COL9A1: variants seen among roughly 807,000 people sequenced by gnomAD.
COL9A1 encodes collagen type IX alpha 1 chain, also known as collagen alpha-1(IX) chain.
Under a neutral mutation model 142.6 loss-of-function variants are expected in COL9A1, and 104 were observed. The observed-to-expected ratio is 0.73, with a 90% CI of 0.62 to 0.86. The LOEUF (loss-of-function observed/expected upper bound fraction) is 0.86. Ranked by LOEUF, COL9A1 falls within the 40% of genes least tolerant of loss-of-function variation. COL9A1 has a pLI of 0.00. For synonymous variants in COL9A1, 466 were observed against 396.0 expected (o/e 1.18, Z -2.10); for missense variants, 1,210 against 1,176.6 (o/e 1.03, Z -0.42).
At chr6:70,298,783 A>T (rs1773943327) in intron 4 of COL9A1, among the ~76,000 whole-genome samples, 1 of 152,242 alleles carries the variant, frequency 6.6e-6, no homozygotes, top group South Asian at 2.1e-4. Context: ...CTTATTTAGC[A>T]ACACGACTGG....
Position 70,239,412 on chromosome 6 carries a change from C to CA in COL9A1, c.2080-127dup, listed in dbSNP as rs916552811. The CA allele has an allele frequency of 3.0e-5, 20 of 673,564 alleles. No individual in the cohort carries two copies. The Admixed American group carries it at 3.7e-4, about 13-fold the overall frequency. 41.7% of individuals were successfully genotyped at this position (673,564 alleles called of 1,614,324 possible). On this transcript the variant is annotated intron_variant, in intron 32 of 37. Transcript: ENST00000357250. ...CATGAACAGATTAACTCCGGCACTG[C>CA]AAAAAAATATTAGACTCCAATTTTG...
At chr6:70,226,613 T>C (rs1217435756) in intron 36 of COL9A1, among the ~76,000 whole-genome samples, 2 of 152,012 alleles carry the variant, frequency 1.3e-5, no homozygotes, top group African/African-American at 4.8e-5. Flanking sequence ...GTAAAAAAGA[T>C]ACCATTTATA....
intron 37 of COL9A1, among the ~76,000 whole-genome samples, chr6:70,222,077 T>TA (rs1768913508): frequency 6.6e-6 from 1 of 152,220 alleles, no homozygotes; most frequent in African/African-American, 2.4e-5. Context: ...TTTGGGAACA[T>TA]AGACTCAGGA....
At position 70,254,494 on chromosome 6, in the gene COL9A1, T is replaced by C. The variant is rs1057523729; in HGVS notation, c.1701A>G (p.Ala567=). ...TACTTACTGGTAACCCCTGCAATCC[T>C]GCATCACCAGGAGGCCCAGGTTTTC... ...EPGKPGPPGD[A]GLQGLPGVPG... is the part of the protein sequence containing the mutation. The change falls in exon 25 of 38, where the codon GCA becomes GCG. Residue 567 remains alanine, a synonymous_variant. Coordinates refer to ENST00000357250, the MANE Select transcript of COL9A1 (RefSeq NM_001851.6). 6.2e-7 allele frequency: 1 copy of C among 1,614,028 alleles called. No individual in the cohort carries two copies. The highest frequency in any genetic ancestry group is 8.5e-7 in the Non-Finnish European group (1 of 1,180,000).
In COL9A1 at chr6:70,232,784, A is replaced by T. The variant is rs1384911147; in HGVS notation, c.2315-13T>A. 4.4e-6 allele frequency: 7 copies of T among 1,604,100 alleles called. No individual in the cohort carries two copies. The African/African-American group carries it at 9.4e-5, about 21-fold the overall frequency. ...TCAGCAAAATGTTCTAAAAGAGAAT[A>T]AACAAAACAACCCAGAAGTGTCAGA... On this transcript the variant is annotated splice_polypyrimidine_tract_variant and intron_variant, in intron 35 of 37. Transcript: ENST00000357250.
At chr6:70,269,018 T>C (rs1370094475) in intron 16 of COL9A1, among the ~76,000 whole-genome samples, 158 bp from the exon 17 acceptor site, 1 of 152,188 alleles carries the variant, frequency 6.6e-6, no homozygotes, top group African/African-American at 2.4e-5. Context: ...TTCCTTTTTA[T>C]TATTATTATT....
At chr6:70,296,134 C>T (rs1170114985) in intron 4 of COL9A1, among the ~76,000 whole-genome samples, 2 of 152,030 alleles carry the variant, frequency 1.3e-5, no homozygotes, top group African/African-American at 4.8e-5. Flanking sequence ...TTTTACAAGC[C>T]CTCAATAAAA....
chr6:70,218,091 C>T (rs1768640196), intron 37 of COL9A1, among the ~76,000 whole-genome samples: 1 of 152,044 alleles, frequency 6.6e-6, no homozygotes, highest in Non-Finnish European at 1.5e-5. Context: ...TGCAGTGAGC[C>T]GAGATCGCGC....
chr6:70,265,364 C>G (rs1022498248), intron 18 of COL9A1, among the ~76,000 whole-genome samples: 4 of 152,084 alleles, frequency 2.6e-5, no homozygotes, highest in African/African-American at 9.7e-5. Context: ...TCTACTACAT[C>G]TGCTTTACTG....
chr6:70,298,173 T>TATA (rs796381249), intron 4 of COL9A1, among the ~76,000 whole-genome samples: 4 of 152,346 alleles, frequency 2.6e-5, no homozygotes, highest in African/African-American at 9.6e-5. Flanking sequence ...AAGACTTTCA[T>TATA]ATACATGCAT....
At chr6:70,220,179 C>T (rs958939413) in intron 37 of COL9A1, among the ~76,000 whole-genome samples, 3 of 149,268 alleles carry the variant, frequency 2.0e-5, no homozygotes, top group African/African-American at 7.4e-5. Flanking sequence ...ACCACAAATG[C>T]TTAATGAGAA....
intron 33 of COL9A1, among the ~76,000 whole-genome samples, chr6:70,237,539 T>A (rs1769992864): frequency 6.6e-6 from 1 of 152,376 alleles, no homozygotes; most frequent in African/African-American, 2.4e-5. Flanking sequence ...AATCAAGAGC[T>A]AATTCCTAAT....
chr6:70,270,991 G>A (rs996235491), intron 14 of COL9A1, among the ~76,000 whole-genome samples: 1 of 152,204 alleles, frequency 6.6e-6, no homozygotes, highest in African/African-American at 2.4e-5. Flanking sequence ...CTGCCATAAA[G>A]AGTCGGAAGC....
At chr6:70,290,507 T>C (rs3828782) in intron 5 of COL9A1, among the ~76,000 whole-genome samples, 26,923 of 152,110 alleles carry the variant, frequency 0.18, 3,455 homozygotes, top group East Asian at 0.46. Context: ...TGGTAGACCA[T>C]GTGAACAGCT....
intron 25 of COL9A1, among the ~76,000 whole-genome samples, 190 bp from the exon 26 acceptor site, chr6:70,253,619 T>C (rs1349555931): frequency 1.3e-5 from 2 of 152,366 alleles, no homozygotes; most frequent in East Asian, 3.9e-4. Flanking sequence ...TTAGAGGGCA[T>C]GACTTTACTA....
intron 16 of COL9A1, 106 bp downstream of exon 16, chr6:70,269,527 C>T: frequency 2.4e-6 from 2 of 827,330 alleles, no homozygotes; most frequent in Non-Finnish European, 4.2e-6. Context: ...GAAAGGAAAA[C>T]ACAGACACAT....
At chr6:70,301,756 C>T (rs1432800039) in intron 2 of COL9A1, among the ~76,000 whole-genome samples, 2 of 152,202 alleles carry the variant, frequency 1.3e-5, no homozygotes. Context: ...AGGCACTGCA[C>T]TAGGCACTGC....
chr6:70,283,204 C>A (rs1326009199), intron 6 of COL9A1: 10 of 1,466,942 alleles, frequency 6.8e-6, no homozygotes, highest in Non-Finnish European at 8.1e-6. Context: ...GCCCGGGAGG[C>A]GCGCGTTCCC....
intron 37 of COL9A1, chr6:70,222,777 C>A (rs562846743): frequency 2.0e-5 from 3 of 151,854 alleles, no homozygotes; most frequent in African/African-American, 7.2e-5. Flanking sequence ...AGCCCCAAAT[C>A]CAACAACAGG....
Sources: gnomAD v4.1 joint callset for allele counts (sites outside exome capture counted in the v4.1 genomes callset) on GRCh38, gnomAD v4.1.1 for gene constraint, MANE v1.5 for transcripts, NCBI Gene and HGNC (gene_info 2026-07-23, HGNC 2026-07-21) for gene names.